The following ZNF169 variants were observed in gnomAD, a reference collection of about 807,000 sequenced individuals.
The protein encoded by ZNF169 is zinc finger protein 169.
Under a neutral mutation model 12.0 loss-of-function variants are expected in ZNF169, and 11 were observed. The ratio of observed to expected loss-of-function variants is 0.92; its 90% CI spans 0.58 to 1.52. The LOEUF (loss-of-function observed/expected upper bound fraction) is 1.52. ZNF169 is among the 40% of genes most tolerant of loss of function. The pLI is 0.00. For missense variants in ZNF169, 722 were observed against 744.0 expected (o/e 0.97, Z 0.34); for synonymous variants, 302 against 286.5 (o/e 1.05, Z -0.55).
chr9:94,289,141 G>A (rs1158335242), intron 2 of ZNF169, among the ~76,000 whole-genome samples: 1 of 152,112 alleles, frequency 6.6e-6, no homozygotes, highest in African/African-American at 2.4e-5. Flanking sequence ...GGCTTATCCT[G>A]TAATGCCAGC....
At chr9:94,283,872 C>T (rs1188615687) in intron 2 of ZNF169, among the ~76,000 whole-genome samples, 2 of 151,316 alleles carry the variant, frequency 1.3e-5, no homozygotes, top group Non-Finnish European at 2.9e-5. Context: ...AGTTTGAGAC[C>T]AGCCTGACCA....
At chr9:94,299,311 A>G in intron 4 of ZNF169, 1 of 402,000 alleles carries the variant, frequency 2.5e-6, no homozygotes, top group East Asian at 3.6e-5. Flanking sequence ...ATCTCTTGCT[A>G]CAGCTTATCT....
At chr9:94,279,189 C>T (rs988297495) in intron 2 of ZNF169, among the ~76,000 whole-genome samples, 2 of 151,874 alleles carry the variant, frequency 1.3e-5, no homozygotes, top group African/African-American at 2.4e-5. Context: ...GTCAGGAGTT[C>T]GAGGGCAGCC....
At chr9:94,287,618 C>G in intron 2 of ZNF169, 1 of 582,364 alleles carries the variant, frequency 1.7e-6, no homozygotes, top group African/African-American at 1.9e-5. Context: ...CCTGCCTCAG[C>G]CTCCCAAAGT....
intron 2 of ZNF169, 102 bp from the exon 3 acceptor site, chr9:94,292,239 G>A (rs1830855829): frequency 1.9e-6 from 3 of 1,596,964 alleles, no homozygotes; most frequent in South Asian, 2.2e-5. Context: ...TCACTTGGGT[G>A]CTCTAGGACT....
At chr9:94,291,508 C>A (rs571072313) in intron 2 of ZNF169, among the ~76,000 whole-genome samples, 1 of 152,154 alleles carries the variant, frequency 6.6e-6, no homozygotes, top group African/African-American at 2.4e-5. Context: ...ACATACAGAT[C>A]ATTAACAAAG....
At chr9:94,268,833 A>C (rs1033187923) in intron 1 of ZNF169, among the ~76,000 whole-genome samples, 15 of 152,014 alleles carry the variant, frequency 9.9e-5, no homozygotes, top group African/African-American at 3.4e-4. Context: ...TGTCTAAATT[A>C]TATGTTTTCC....
intron 2 of ZNF169, among the ~76,000 whole-genome samples, chr9:94,282,172 ATAGGGT>A (rs954441187): frequency 1.3e-5 from 2 of 152,214 alleles, no homozygotes; most frequent in Non-Finnish European, 2.9e-5. Context: ...GCCACGATAT[ATAGGGT>A]TAAATAAAAC....
chr9:94,284,167 G>A lies in ZNF169; in HGVS notation c.33+5322G>A, dbSNP rs1207036474. Among the ~76,000 whole-genome samples the A allele has an allele frequency of 3.3e-5, 5 of 151,370 alleles. 1 individual carries two copies. In the Middle Eastern group the frequency reaches 0.014, roughly 415 times the overall value. ...GGGTCGGGCGCAGTGGCTCATACCT[G>A]TAACCCCAGCACTTTGGGAGGCCAA... On this transcript the variant is annotated intron_variant, in intron 2 of 4. Transcript: ENST00000395395.
At position 94,301,331 on chromosome 9, in the gene ZNF169, C is replaced by G. The variant is rs570000796; in HGVS notation, c.1773C>G (p.Thr591=). 2.5e-6 allele frequency: 4 copies of G among 1,613,966 alleles called. No individual in the cohort carries two copies. The Admixed American group carries it at 6.7e-5, about 27-fold the overall frequency. Residue 591 remains threonine (T), a synonymous_variant, in exon 5 of 5, where the codon ACC becomes ACG. Coordinates refer to ENST00000395395, the MANE Select transcript of ZNF169 (RefSeq NM_194320.4). ...QKSHLHRHRR[T]KSGHQLLPQE... is the part of the protein sequence containing the mutation. ...CTCACTTGCATAGACACAGGAGGACCAAGTCTGGTCATCAGCTCCTACCCC... is the reference window on the plus strand; with the variant it reads ...CTCACTTGCATAGACACAGGAGGACGAAGTCTGGTCATCAGCTCCTACCCC...
intron 2 of ZNF169, among the ~76,000 whole-genome samples, chr9:94,281,421 G>A (rs983357143): frequency 6.6e-6 from 1 of 152,182 alleles, no homozygotes; most frequent in African/African-American, 2.4e-5. Context: ...AGCACAATAT[G>A]TTAGCTAATA....
In ZNF169 at chr9:94,299,957, T is replaced by G. The variant is rs1177850252; in HGVS notation, c.399T>G (p.Ala133=). ...CAGGAGGTGACTTCCAACTAGAAGC[T>G]CCAAGATGCTCTAGTGAAAAAGGAG... The part of the protein sequence containing the change: ...SSAGGDFQLE[A]PRCSSEKGES... Residue 133 remains alanine (A), a synonymous_variant, in exon 5 of 5, where the codon GCT becomes GCG. Transcript: ENST00000395395. The G allele has an allele frequency of 2.5e-6, 4 of 1,613,924 alleles. No homozygotes were observed. Among genetic ancestry groups the G allele is most frequent in the Non-Finnish European group, 3.4e-6 (4 of 1,180,030 alleles).
At chr9:94,280,338 A>C (rs1830605726) in intron 2 of ZNF169, among the ~76,000 whole-genome samples, 1 of 152,098 alleles carries the variant, frequency 6.6e-6, no homozygotes, top group Admixed American at 6.5e-5. Flanking sequence ...CGTGTGTTGC[A>C]CTTTACTATG....
chr9:94,268,208 T>G (rs1373761227), intron 1 of ZNF169, among the ~76,000 whole-genome samples: 1 of 151,944 alleles, frequency 6.6e-6, no homozygotes, highest in Non-Finnish European at 1.5e-5. Context: ...AACAAGACAA[T>G]TGTTTATGGA....
At chr9:94,263,791 TC>T (rs2118539305) in intron 1 of ZNF169, among the ~76,000 whole-genome samples, 1 of 152,204 alleles carries the variant, frequency 6.6e-6, no homozygotes, top group East Asian at 1.9e-4. Flanking sequence ...CTGTTTTTTT[TC>T]TTCCCCTGTT....
chr9:94,280,178 G>T (rs1163294013), intron 2 of ZNF169, among the ~76,000 whole-genome samples: 1 of 152,192 alleles, frequency 6.6e-6, no homozygotes, highest in Non-Finnish European at 1.5e-5. Flanking sequence ...ATTAAAAATG[G>T]TTTTGATCTT....
At chr9:94,287,253 T>A (rs1364742178) in intron 2 of ZNF169, among the ~76,000 whole-genome samples, 1 of 152,236 alleles carries the variant, frequency 6.6e-6, no homozygotes, top group African/African-American at 2.4e-5. Context: ...TAAAGCTGAA[T>A]CATCTTTAAC....
At chr9:94,291,419 T>C (rs2118639293) in intron 2 of ZNF169, among the ~76,000 whole-genome samples, 1 of 152,314 alleles carries the variant, frequency 6.6e-6, no homozygotes, top group South Asian at 2.1e-4. Flanking sequence ...ACCAACGTTA[T>C]ATCTGTTCTT....
At chr9:94,261,583 AG>A (rs1446487183) in intron 1 of ZNF169, among the ~76,000 whole-genome samples, 1 of 152,202 alleles carries the variant, frequency 6.6e-6, no homozygotes, top group Non-Finnish European at 1.5e-5. Flanking sequence ...TGCAACCCCA[AG>A]TGTGGATCTC....
Sources: allele counts gnomAD v4.1 joint callset (sites outside exome capture counted in the v4.1 genomes callset), GRCh38; gene constraint gnomAD v4.1.1; transcripts MANE v1.5; gene names NCBI Gene and HGNC (gene_info 2026-07-23, HGNC 2026-07-21).